The following SORCS2 variants were observed in gnomAD, a reference collection of about 807,000 sequenced individuals.
SORCS2 encodes the protein sortilin related VPS10 domain containing receptor 2, also known as VPS10 domain-containing receptor SorCS2.
Under a neutral mutation model 141.6 loss-of-function variants are expected in SORCS2, and 100 were observed. The observed-to-expected ratio is 0.71, with a 90% CI of 0.60 to 0.83. SORCS2 has a LOEUF of 0.83. Ranked by LOEUF, SORCS2 falls within the 40% of genes least tolerant of loss-of-function variation. The pLI is 0.00. For missense variants in SORCS2, 1,646 were observed against 1,560.2 expected (o/e 1.05, Z -0.93); for synonymous variants, 789 against 676.9 (o/e 1.17, Z -2.57).
intron 9 of SORCS2, among the ~76,000 whole-genome samples, chr4:7,680,317 G>T (rs1723439453): frequency 1.3e-5 from 2 of 152,310 alleles, no homozygotes; most frequent in South Asian, 4.1e-4. Context: ...CCCTCTCCCA[G>T]CCGCCGGCAG....
chr4:7,470,249 C>T (rs1729889132), intron 2 of SORCS2, among the ~76,000 whole-genome samples: 1 of 149,254 alleles, frequency 6.7e-6, no homozygotes, highest in African/African-American at 2.6e-5. Context: ...ATCCATCCTC[C>T]CATCCTCCCA....
Position 7,664,053 on chromosome 4 carries a change from T to C in SORCS2, c.953-300T>C, listed in dbSNP as rs954216800. On this transcript the variant is annotated intron_variant, in intron 6 of 26. Transcript: ENST00000507866. This position sits in a 1 kb window ranked among gnomAD's most constrained non-coding sequence, Gnocchi z 4.7. ...GGAGGGTATGGGGGCCGTGCATGTC[T>C]GGGTGTGGCGAGGTACCCACCGTCG... 6.6e-6 allele frequency among the ~76,000 whole-genome samples: 1 copy of C among 152,148 alleles called. No homozygotes were observed. Among genetic ancestry groups the C allele is most frequent in the Non-Finnish European group, 1.5e-5 (1 of 68,024 alleles).
At chr4:7,676,329 A>G in intron 9 of SORCS2, 100 bp downstream of exon 9, 1 of 1,321,700 alleles carries the variant, frequency 7.6e-7, no homozygotes, top group Non-Finnish European at 1.0e-6. Flanking sequence ...GCCTGTCTAT[A>G]TAGCTGTCTC....
chr4:7,726,872 G>A lies in SORCS2; in HGVS notation c.2838G>A (p.Val946=). ...TGCAGGCCGCCTGTGGGAACTCGGTGCTGCAGGACTCCAGGGTCCTCCGTG... is the reference window on the plus strand; with the variant it reads ...TGCAGGCCGCCTGTGGGAACTCGGTACTGCAGGACTCCAGGGTCCTCCGTG... ...VTVQAACGNS[V]LQDSRVLRVL... Residue 946 remains valine (V), a synonymous_variant, in exon 21 of 27, where the codon GTG becomes GTA. Transcript: ENST00000507866. The A allele has an allele frequency of 6.2e-7, 1 of 1,613,832 alleles. No homozygotes were observed. Among genetic ancestry groups the A allele is most frequent in the South Asian group, 1.1e-5 (1 of 91,070 alleles).
intron 1 of SORCS2, among the ~76,000 whole-genome samples, chr4:7,297,604 C>T (rs1028948177): frequency 4.6e-5 from 7 of 152,186 alleles, no homozygotes; most frequent in Non-Finnish European, 7.3e-5. Context: ...TTCCTGTCCC[C>T]GAGTTCAAGG....
intron 1 of SORCS2, among the ~76,000 whole-genome samples, chr4:7,235,531 G>A (rs375753824): frequency 6.6e-6 from 1 of 152,258 alleles, no homozygotes; most frequent in Non-Finnish European, 1.5e-5. Context: ...AGAACACAGA[G>A]CGGGTGGATG....
chr4:7,234,746 T>C (rs1712143502), intron 1 of SORCS2, among the ~76,000 whole-genome samples: 1 of 152,260 alleles, frequency 6.6e-6, no homozygotes, highest in South Asian at 2.1e-4. Context: ...GCTTAGCACA[T>C]GCTTGGAGGA....
intron 9 of SORCS2, among the ~76,000 whole-genome samples, chr4:7,682,474 C>G (rs1207072797): frequency 6.6e-6 from 1 of 152,160 alleles, no homozygotes; most frequent in Non-Finnish European, 1.5e-5. Flanking sequence ...GTGTCTGGAC[C>G]TGGGAGAACA....
chr4:7,565,669 C>A (rs577929320), intron 3 of SORCS2, among the ~76,000 whole-genome samples: 1 of 142,104 alleles, frequency 7.0e-6, no homozygotes, highest in Non-Finnish European at 1.5e-5. Flanking sequence ...TGTGATGATG[C>A]TGATGATGTG....
At chr4:7,249,304 C>T (rs1413115679) in intron 1 of SORCS2, among the ~76,000 whole-genome samples, 1 of 152,110 alleles carries the variant, frequency 6.6e-6, no homozygotes, top group South Asian at 2.1e-4. Context: ...CCTGCAGCCT[C>T]TTCATGTGGC....
At chr4:7,433,483 A>C (rs1433438647) in intron 2 of SORCS2, 1 of 1,583,352 alleles carries the variant, frequency 6.3e-7, no homozygotes, top group African/African-American at 1.3e-5. Flanking sequence ...GCAGGCCCCC[A>C]CCTTCTTGCA....
intron 1 of SORCS2, among the ~76,000 whole-genome samples, chr4:7,311,181 C>T (rs1577384647): frequency 6.6e-6 from 1 of 152,118 alleles, no homozygotes; most frequent in South Asian, 2.1e-4. Context: ...TCTGCAGTAT[C>T]CTCCTCCTTG....
intron 2 of SORCS2, among the ~76,000 whole-genome samples, chr4:7,499,383 G>C (rs1201786797): frequency 6.6e-6 from 1 of 152,196 alleles, no homozygotes; most frequent in Non-Finnish European, 1.5e-5. Flanking sequence ...GAAGGGCACA[G>C]ACTTGTTCTT....
chr4:7,418,475 G>A (rs547452160), intron 2 of SORCS2, among the ~76,000 whole-genome samples: 39 of 152,300 alleles, frequency 2.6e-4, no homozygotes, highest in African/African-American at 7.9e-4. Flanking sequence ...CTGAGAGACT[G>A]ACAATGGATG....
intron 2 of SORCS2, among the ~76,000 whole-genome samples, chr4:7,427,077 C>G (rs929291939): frequency 2.0e-5 from 3 of 152,122 alleles, no homozygotes; most frequent in Non-Finnish European, 4.4e-5. Flanking sequence ...TGGGCCACGG[C>G]CTCCCAGGGT....
chr4:7,344,091 G>A (rs931108629), intron 1 of SORCS2, among the ~76,000 whole-genome samples: 10 of 152,322 alleles, frequency 6.6e-5, no homozygotes, highest in Admixed American at 2.0e-4. Context: ...GGGTGGGTGC[G>A]GTGTGGACGT....
At chr4:7,669,708 G>A (rs1208071628) in intron 8 of SORCS2, among the ~76,000 whole-genome samples, 2 of 152,014 alleles carry the variant, frequency 1.3e-5, no homozygotes, top group African/African-American at 2.4e-5. Flanking sequence ...GGACTCACCC[G>A]CAAACCTCTC....
chr4:7,210,559 G>T (rs1012775334), intron 1 of SORCS2, among the ~76,000 whole-genome samples: 4 of 152,198 alleles, frequency 2.6e-5, no homozygotes, highest in Non-Finnish European at 2.9e-5. Context: ...GGGATTACAG[G>T]TGTGAGCCGC....
At chr4:7,442,874 C>T (rs1308514162) in intron 2 of SORCS2, among the ~76,000 whole-genome samples, 3 of 152,018 alleles carry the variant, frequency 2.0e-5, no homozygotes, top group Admixed American at 6.5e-5. Context: ...GGGGGTCTGA[C>T]GTCCAAAATC....
Sources: gnomAD v4.1 joint callset for allele counts (sites outside exome capture counted in the v4.1 genomes callset) on GRCh38, gnomAD v4.1.1 for gene constraint, Gnocchi (gnomAD v3.1) non-coding constraint, MANE v1.5 for transcripts, NCBI Gene and HGNC (gene_info 2026-07-23, HGNC 2026-07-21) for gene names.